The following KCNIP4 variants were observed in gnomAD, a reference collection of about 807,000 sequenced individuals.
KCNIP4 encodes the protein Kv channel-interacting protein 4.
KCNIP4 carries 12 observed loss-of-function variants against 34.0 expected under a neutral mutation model. The observed-to-expected ratio is 0.35, with a 90% CI of 0.23 to 0.57. KCNIP4 has a LOEUF of 0.57. Ranked by LOEUF, KCNIP4 falls within the 20% of genes least tolerant of loss-of-function variation. KCNIP4 has a pLI of 0.83. For synonymous variants in KCNIP4, 124 were observed against 102.2 expected (o/e 1.21, Z -1.29); for missense variants, 238 against 311.7 (o/e 0.76, Z 1.78).
At chr4:21,347,303 T>A (rs2109363952) in intron 1 of KCNIP4, among the ~76,000 whole-genome samples, 1 of 152,314 alleles carries the variant, frequency 6.6e-6, no homozygotes, top group South Asian at 2.1e-4. Flanking sequence ...AATGCTGCAG[T>A]AGCCTGGTGG....
At chr4:20,954,217 C>A (rs1733072401) in intron 1 of KCNIP4, among the ~76,000 whole-genome samples, 1 of 152,120 alleles carries the variant, frequency 6.6e-6, no homozygotes, top group Non-Finnish European at 1.5e-5. Flanking sequence ...CAAAAGCAAG[C>A]ACACCTTCTA....
At chr4:21,203,698 T>C (rs1428037572) in intron 1 of KCNIP4, among the ~76,000 whole-genome samples, 1 of 152,172 alleles carries the variant, frequency 6.6e-6, no homozygotes, top group East Asian at 1.9e-4. Flanking sequence ...TAATCACACA[T>C]CCTTCTAAGA....
rs1274684142 is a variant in KCNIP4, at chr4:20,865,651, TA to T, written c.164-14985del. Among the ~76,000 whole-genome samples, 12 of 151,968 alleles carry T rather than the reference TA, an allele frequency of 7.9e-5. No homozygotes were observed. In the East Asian group the frequency reaches 9.7e-4, roughly 12 times the overall value. The stretch of plus-strand genomic sequence containing the variant: ...CATGATGTCATTTACATAAAGAACC[TA>T]AAAAAATGTTGAATACACAGAGATA... On this transcript the variant is annotated intron_variant, in intron 2 of 8. Transcript: ENST00000382152.
At chr4:21,698,371 C>T (rs943823812) in intron 1 of KCNIP4, among the ~76,000 whole-genome samples, 1 of 152,168 alleles carries the variant, frequency 6.6e-6, no homozygotes, top group Non-Finnish European at 1.5e-5. Context: ...ACTGCGTTGT[C>T]CTAAGAGAAA....
rs546902145 is a variant in KCNIP4 at position 21,783,730 on chromosome 4, T to C, written c.61+164841A>G. ...TTATTTACCTAAAACAATCACATAATAGAAAGATGAGAATATTATAAATGT... is the reference window on the plus strand; with the variant it reads ...TTATTTACCTAAAACAATCACATAACAGAAAGATGAGAATATTATAAATGT... On this transcript the variant is annotated intron_variant, in intron 1 of 8. Coordinates refer to ENST00000382152, the MANE Select transcript of KCNIP4 (RefSeq NM_025221.6). 7.9e-5 allele frequency among the ~76,000 whole-genome samples: 12 copies of C among 152,216 alleles called. No individual in the cohort carries two copies. The South Asian group carries it at 2.3e-3, about 29-fold the overall frequency.
chr4:21,057,278 T>C (rs953931462), intron 1 of KCNIP4, among the ~76,000 whole-genome samples: 24 of 152,212 alleles, frequency 1.6e-4, no homozygotes, highest in African/African-American at 5.5e-4. Context: ...ACATTGATAC[T>C]GTCCATGTAA....
chr4:21,264,513 G>A (rs959038410), intron 1 of KCNIP4, among the ~76,000 whole-genome samples: 6 of 152,098 alleles, frequency 3.9e-5, no homozygotes, highest in African/African-American at 1.4e-4. Flanking sequence ...TTCCTTACTG[G>A]CTGTGTTATT....
intron 1 of KCNIP4, among the ~76,000 whole-genome samples, chr4:21,560,086 C>A (rs1253662324): frequency 1.3e-5 from 2 of 151,934 alleles, no homozygotes; most frequent in East Asian, 3.9e-4. Flanking sequence ...ATTTGTTTTT[C>A]TCCCCCTGGA....
At chr4:20,897,443 T>C (rs1726672815) in intron 1 of KCNIP4, among the ~76,000 whole-genome samples, 1 of 152,036 alleles carries the variant, frequency 6.6e-6, no homozygotes, top group African/African-American at 2.4e-5. Context: ...CGAAACTACT[T>C]CCTATTCTCT....
chr4:20,730,189 T>C, intron 8 of KCNIP4, 60 bp from the exon 9 acceptor site: 1 of 1,538,588 alleles, frequency 6.5e-7, no homozygotes, highest in Non-Finnish European at 8.7e-7. Context: ...AAGTACACTA[T>C]TTTGCCCCTG....
At chr4:21,570,495 G>A (rs1411037560) in intron 1 of KCNIP4, among the ~76,000 whole-genome samples, 5 of 152,116 alleles carry the variant, frequency 3.3e-5, no homozygotes, top group African/African-American at 7.2e-5. Context: ...TTTAACCTTA[G>A]CATCAAGCAT....
At chr4:21,464,180 T>G (rs927479321) in intron 1 of KCNIP4, among the ~76,000 whole-genome samples, 5 of 152,014 alleles carry the variant, frequency 3.3e-5, no homozygotes, top group Admixed American at 1.3e-4. Context: ...ATTGATTTTT[T>G]GTTTTTCTAT....
chr4:21,506,177 A>G (rs979317412), intron 1 of KCNIP4, among the ~76,000 whole-genome samples: 1 of 152,204 alleles, frequency 6.6e-6, no homozygotes, highest in Non-Finnish European at 1.5e-5. Flanking sequence ...CAGTTATCCT[A>G]CAGCCAGTTG....
In KCNIP4 at chr4:21,877,246, G is replaced by A. The variant is rs946744184; in HGVS notation, c.61+71325C>T. On this transcript the variant is annotated intron_variant, in intron 1 of 8. Transcript: ENST00000382152. ...CGGGTCCCTGTAATCAGAGCTACTT[G>A]GGAGGCTGAGGCAGGAGAATTGCTT... Among the ~76,000 whole-genome samples, 4 of 152,128 alleles carry A rather than the reference G, an allele frequency of 2.6e-5. No homozygotes were observed. In the South Asian group the frequency reaches 8.3e-4, roughly 32 times the overall value.
chr4:20,936,638 C>T (rs571192131), intron 1 of KCNIP4, among the ~76,000 whole-genome samples: 39 of 152,238 alleles, frequency 2.6e-4, no homozygotes, highest in African/African-American at 8.9e-4. Flanking sequence ...CAATACTCTC[C>T]ATATCCTATG....
chr4:21,788,018 C>T (rs1001776580), intron 1 of KCNIP4, among the ~76,000 whole-genome samples: 9 of 151,948 alleles, frequency 5.9e-5, no homozygotes, highest in South Asian at 4.1e-4. Flanking sequence ...GAAGGCAGGC[C>T]GCTTGATACA....
At chr4:21,197,621 C>T (rs2109364575) in intron 1 of KCNIP4, among the ~76,000 whole-genome samples, 1 of 152,000 alleles carries the variant, frequency 6.6e-6, no homozygotes, top group South Asian at 2.1e-4. Flanking sequence ...GTATTTATTG[C>T]AAATATATAT....
At chr4:21,314,551 G>C (rs1004202237) in intron 1 of KCNIP4, among the ~76,000 whole-genome samples, 1 of 152,166 alleles carries the variant, frequency 6.6e-6, no homozygotes, top group Non-Finnish European at 1.5e-5. Context: ...GTAGGAGGCT[G>C]AAGGATATTT....
At chr4:21,508,833 G>T (rs1258502593) in intron 1 of KCNIP4, among the ~76,000 whole-genome samples, 1 of 152,106 alleles carries the variant, frequency 6.6e-6, no homozygotes, top group African/African-American at 2.4e-5. Context: ...ATCAACTCTA[G>T]GATACCACCT....
Sources: allele counts gnomAD v4.1 joint callset (sites outside exome capture counted in the v4.1 genomes callset), GRCh38; gene constraint gnomAD v4.1.1; transcripts MANE v1.5; gene names NCBI Gene and HGNC (gene_info 2026-07-23, HGNC 2026-07-21).